Variants in ICA1 observed in about 807,000 individuals in gnomAD.
ICA1 encodes islet cell autoantigen 1.
ICA1 carries 40 observed loss-of-function variants against 71.0 expected under a neutral mutation model. The observed-to-expected ratio is 0.56, with a 90% CI of 0.44 to 0.73. ICA1 has a LOEUF of 0.73. ICA1 is among the 30% of genes least tolerant of loss of function. ICA1 has a pLI of 0.00. For missense variants in ICA1, 578 were observed against 576.5 expected, an observed-to-expected ratio of 1.00 and a Z score of -0.03; for synonymous variants, 207 against 209.5, an observed-to-expected ratio of 0.99 and a Z score of 0.10.
At chr7:8,159,014 C>G (rs904623226) in intron 6 of ICA1, among the ~76,000 whole-genome samples, 6 of 152,296 alleles carry the variant, frequency 3.9e-5, no homozygotes, top group African/African-American at 1.2e-4. Context: ...TCTTTAGAAG[C>G]TGAGTTCCCT....
At chr7:8,146,931 T>C (rs13311898) in intron 8 of ICA1, among the ~76,000 whole-genome samples, 148,302 of 151,102 alleles carry the variant, frequency 0.98, 72,786 homozygotes, top group East Asian at 1. Context: ...GTTTTATTCC[T>C]CCACAAAATG....
At chr7:8,194,236 A>G (rs1226693825) in intron 6 of ICA1, among the ~76,000 whole-genome samples, 1 of 152,080 alleles carries the variant, frequency 6.6e-6, no homozygotes, top group Non-Finnish European at 1.5e-5. Flanking sequence ...ACTATATTAT[A>G]CCCTAGATCC....
intron 6 of ICA1, among the ~76,000 whole-genome samples, chr7:8,187,720 T>A (rs9791916): frequency 0.97 from 147,633 of 152,350 alleles, 71,602 homozygotes; most frequent in East Asian, 1. Context: ...GATTTCTTTA[T>A]ATCCTTATTC....
intron 6 of ICA1, among the ~76,000 whole-genome samples, chr7:8,199,976 G>GT (rs1280321130): frequency 6.6e-6 from 1 of 152,102 alleles, no homozygotes; most frequent in African/African-American, 2.4e-5. Flanking sequence ...GAAAAAATGA[G>GT]TAAGACCTAG....
rs531721819 is a variant in ICA1 at position 8,252,312 on chromosome 7, G to A, written c.-80+9782C>T. On this transcript the variant is annotated intron_variant, in intron 1 of 13. Coordinates refer to ENST00000402384, the MANE Select transcript of ICA1 (RefSeq NM_001136020.3). ...ATCAAGTTCTGTGAAGGAATACTAC[G>A]CCCTTCGATGTCAGCACAGAACATT... is the stretch of plus-strand genomic sequence containing the variant. 6.6e-5 allele frequency among the ~76,000 whole-genome samples: 10 copies of A among 152,248 alleles called. No individual in the cohort carries two copies. In the South Asian group the frequency reaches 2.1e-3, roughly 32 times the overall value.
intron 6 of ICA1, among the ~76,000 whole-genome samples, chr7:8,174,345 G>A (rs1399434089): frequency 1.3e-5 from 2 of 152,078 alleles, no homozygotes; most frequent in African/African-American, 2.4e-5. Context: ...ATAAATAGTT[G>A]TAGTAATAAG....
chr7:8,157,438 C>G, intron 7 of ICA1: 1 of 491,640 alleles, frequency 2.0e-6, no homozygotes, highest in Non-Finnish European at 3.5e-6. Flanking sequence ...CTGCTCCCAC[C>G]ACCTGGGACA....
chr7:8,259,548 A>G (rs899469743), intron 1 of ICA1, among the ~76,000 whole-genome samples: 5 of 152,212 alleles, frequency 3.3e-5, no homozygotes, highest in Non-Finnish European at 7.3e-5. Context: ...ATGTGAAAAA[A>G]TAATTTATTA....
At chr7:8,151,745 G>A (rs1200917958) in intron 8 of ICA1, among the ~76,000 whole-genome samples, 1 of 152,200 alleles carries the variant, frequency 6.6e-6, no homozygotes, top group African/African-American at 2.4e-5. Context: ...AGAAGGCTGC[G>A]AGGCATATGA....
intron 6 of ICA1, among the ~76,000 whole-genome samples, chr7:8,205,906 G>A (rs753198872): frequency 2.6e-5 from 4 of 152,148 alleles, no homozygotes; most frequent in South Asian, 4.1e-4. Context: ...ACGAAACCTC[G>A]GCCTGTAGGG....
chr7:8,232,231 T>C (rs561129111), intron 3 of ICA1, among the ~76,000 whole-genome samples: 5 of 152,300 alleles, frequency 3.3e-5, no homozygotes, highest in Admixed American at 1.3e-4. Flanking sequence ...TTTACCTGAG[T>C]TCTTCTTTTA....
rs551877816 is a variant in ICA1, at chr7:8,211,879, G to A, written c.579+6426C>T. On this transcript the variant is annotated intron_variant, in intron 6 of 13. Transcript: ENST00000402384. ...CAACTCTGCCATGGTATTGTGAAAG[G>A]AGCCAGACCACTTATAGTCCTAAGT... is the stretch of plus-strand genomic sequence containing the variant. Among the ~76,000 whole-genome samples the A allele has an allele frequency of 3.3e-5, 5 of 152,242 alleles. No individual in the cohort carries two copies. In the East Asian group the frequency reaches 7.7e-4, roughly 24 times the overall value.
At chr7:8,115,282 C>T (rs954473192) in intron 13 of ICA1, among the ~76,000 whole-genome samples, 2 of 152,022 alleles carry the variant, frequency 1.3e-5, no homozygotes, top group Admixed American at 6.6e-5. Context: ...GCAATTAGCC[C>T]TGGAATCATC....
intron 1 of ICA1, among the ~76,000 whole-genome samples, chr7:8,244,742 G>A (rs112056993): frequency 0.034 from 5,145 of 152,206 alleles, 159 homozygotes; most frequent in African/African-American, 0.08. Flanking sequence ...TCAAAAAGTG[G>A]GCAAAGGATA....
chr7:8,115,631 A>T (rs1415971379), intron 13 of ICA1, among the ~76,000 whole-genome samples: 1 of 152,248 alleles, frequency 6.6e-6, no homozygotes, highest in Non-Finnish European at 1.5e-5. Flanking sequence ...ACTTATTTGC[A>T]TAACACTTAA....
intron 8 of ICA1, among the ~76,000 whole-genome samples, chr7:8,150,130 G>A (rs1240291521): frequency 6.6e-6 from 1 of 152,142 alleles, no homozygotes; most frequent in African/African-American, 2.4e-5. Flanking sequence ...AATTGATAAT[G>A]ACAAGGCACC....
At chr7:8,134,824 CT>C (rs1265794881) in intron 12 of ICA1, among the ~76,000 whole-genome samples, 1 of 151,994 alleles carries the variant, frequency 6.6e-6, no homozygotes, top group Non-Finnish European at 1.5e-5. Flanking sequence ...ACAACTCCTA[CT>C]CCCTGAAAAA....
chr7:8,200,338 C>CAAAAAAAAAAAAAAA (rs34371233), intron 6 of ICA1, among the ~76,000 whole-genome samples: 2 of 67,964 alleles, frequency 2.9e-5, no homozygotes, highest in Admixed American at 2.3e-4. Context: ...CACAGTTGAG[C>CAAAAAAAAAAAAAAA]AAAAAAAAAA....
At chr7:8,134,930 C>A (rs1792860077) in intron 12 of ICA1, among the ~76,000 whole-genome samples, 1 of 152,092 alleles carries the variant, frequency 6.6e-6, no homozygotes, top group Admixed American at 6.5e-5. Context: ...CCTAAGCTTG[C>A]TACTCCATTT....
Sources: allele counts gnomAD v4.1 joint callset (sites outside exome capture counted in the v4.1 genomes callset), GRCh38; gene constraint gnomAD v4.1.1; transcripts MANE v1.5; gene names NCBI Gene and HGNC (gene_info 2026-07-23, HGNC 2026-07-21).